The following GRIA1 variants were observed in gnomAD, a reference collection of about 807,000 sequenced individuals.
The protein encoded by GRIA1 is glutamate receptor 1.
A neutral mutation model predicts 99.2 loss-of-function variants in GRIA1; 31 were observed. That is an observed-to-expected ratio of 0.31 (90% CI 0.23 to 0.42). The LOEUF (loss-of-function observed/expected upper bound fraction) is 0.42. Among genes scored for constraint, GRIA1 ranks in the 10% least tolerant of loss-of-function variants. The pLI, the probability that GRIA1 is intolerant of heterozygous loss-of-function variation, is 1.00. For missense variants in GRIA1, 782 were observed against 1,157.5 expected (o/e 0.68, Z 4.71); for synonymous variants, 438 against 432.4 (o/e 1.01, Z -0.16).
intron 2 of GRIA1, among the ~76,000 whole-genome samples, chr5:153,528,719 T>G (rs1341183754): frequency 6.6e-6 from 1 of 152,252 alleles, no homozygotes; most frequent in Non-Finnish European, 1.5e-5. Flanking sequence ...AAACTGGTCT[T>G]CATCCAGTGT....
At chr5:153,507,334 T>C (rs1755623248) in intron 2 of GRIA1, among the ~76,000 whole-genome samples, 1 of 152,024 alleles carries the variant, frequency 6.6e-6, no homozygotes. Context: ...AGAATGAAGC[T>C]TTCTGGGGCT....
At chr5:153,496,273 G>T (rs1375104560) in intron 2 of GRIA1, among the ~76,000 whole-genome samples, 1 of 152,182 alleles carries the variant, frequency 6.6e-6, no homozygotes, top group Non-Finnish European at 1.5e-5. Context: ...GCCTGGAGTG[G>T]ATGAATCTGA....
chr5:153,679,148 T>G lies in GRIA1; in HGVS notation c.1029+1987T>G, dbSNP rs576742141. ...GTGTGTGCCTGCCCTTCATCAGCTG[T>G]TCTTTGAGGATCTATGGTGTGCCCT... is the stretch of plus-strand genomic sequence containing the variant. On this transcript the variant is annotated intron_variant, in intron 7 of 15. Coordinates refer to ENST00000285900, the MANE Select transcript of GRIA1 (RefSeq NM_000827.4). Among the ~76,000 whole-genome samples the G allele has an allele frequency of 2.6e-4, 39 of 152,268 alleles. 1 individual carries two copies. The South Asian group carries it at 8.1e-3, about 32-fold the overall frequency.
intron 2 of GRIA1, among the ~76,000 whole-genome samples, chr5:153,571,152 A>G (rs568334939): frequency 2.0e-5 from 3 of 152,194 alleles, no homozygotes; most frequent in Non-Finnish European, 4.4e-5. Context: ...GCCTCTATCC[A>G]TTATAAGATG....
At chr5:153,610,146 G>C (rs1266073516) in intron 2 of GRIA1, among the ~76,000 whole-genome samples, 1 of 152,148 alleles carries the variant, frequency 6.6e-6, no homozygotes, top group Non-Finnish European at 1.5e-5. Context: ...CCTCAGTTGT[G>C]ATGTGAGACC....
At chr5:153,764,722 C>A (rs1763398716) in intron 12 of GRIA1, 90 bp downstream of exon 12, 4 of 925,200 alleles carry the variant, frequency 4.3e-6, no homozygotes, top group Non-Finnish European at 6.8e-6. Flanking sequence ...CCTGAGATAA[C>A]AGGCAGCCAG....
intron 5 of GRIA1, among the ~76,000 whole-genome samples, chr5:153,665,011 C>A (rs1041954083): frequency 1.3e-5 from 2 of 152,236 alleles, no homozygotes; most frequent in African/African-American, 4.8e-5. Flanking sequence ...TAAGGGCCCA[C>A]CTCATACCAG....
At chr5:153,517,812 A>G (rs1756767987) in intron 2 of GRIA1, among the ~76,000 whole-genome samples, 1 of 152,188 alleles carries the variant, frequency 6.6e-6, no homozygotes, top group Non-Finnish European at 1.5e-5. Flanking sequence ...CTTCCAGACA[A>G]TGTTCCACCT....
At chr5:153,690,281 T>C (rs1757651351) in intron 8 of GRIA1, among the ~76,000 whole-genome samples, 1 of 150,622 alleles carries the variant, frequency 6.6e-6, no homozygotes, top group African/African-American at 2.4e-5. Context: ...TATAATATAA[T>C]TTATAATATA....
chr5:153,567,446 G>A (rs1174919814), intron 2 of GRIA1, among the ~76,000 whole-genome samples: 1 of 152,210 alleles, frequency 6.6e-6, no homozygotes, highest in African/African-American at 2.4e-5. Context: ...ATAATTCTTT[G>A]TTGTGTTGTA....
chr5:153,539,271 G>A (rs1321073358), intron 2 of GRIA1, among the ~76,000 whole-genome samples: 1 of 152,142 alleles, frequency 6.6e-6, no homozygotes, highest in Non-Finnish European at 1.5e-5. Flanking sequence ...TTAAAACAAA[G>A]CATTGTTATT....
chr5:153,681,681 T>G (rs1018564352), intron 7 of GRIA1, among the ~76,000 whole-genome samples: 1 of 152,160 alleles, frequency 6.6e-6, no homozygotes, highest in African/African-American at 2.4e-5. Flanking sequence ...TAAACAGACA[T>G]AATCCTCCTA....
At chr5:153,520,290 G>A (rs748413500) in intron 2 of GRIA1, among the ~76,000 whole-genome samples, 6 of 152,178 alleles carry the variant, frequency 3.9e-5, no homozygotes, top group Non-Finnish European at 7.3e-5. Context: ...AGGGCACAGA[G>A]GTGAATGTGC....
chr5:153,564,947 A>G (rs10038377), intron 2 of GRIA1, among the ~76,000 whole-genome samples: 19,154 of 152,180 alleles, frequency 0.13, 1,272 homozygotes, highest in Middle Eastern at 0.14. Flanking sequence ...AGTACTGCCA[A>G]ATTAACATTA....
chr5:153,770,309 A>G lies in GRIA1; in HGVS notation c.2164A>G (p.Met722Val), dbSNP rs770968731. The G allele has an allele frequency of 6.2e-7, 1 of 1,614,086 alleles. No homozygotes were observed. Among genetic ancestry groups the G allele is most frequent in the East Asian group, 2.2e-5 (1 of 44,864 alleles). ...GKYAYLLESTMNEYIEQRKPC... is the reference protein window; with the variant it reads ...GKYAYLLESTVNEYIEQRKPC... ...ATATGCCTACCTCCTGGAGTCCACC[A>G]TGAATGAGTACATTGAGCAGCGGAA... Residue 722 changes from methionine (M) to valine (V), a missense_variant, in exon 13 of 16, where the codon ATG (methionine) becomes GTG (valine). Coordinates refer to ENST00000285900, the MANE Select transcript of GRIA1 (RefSeq NM_000827.4).
At chr5:153,769,455 C>T (rs1398790670) in intron 12 of GRIA1, among the ~76,000 whole-genome samples, 2 of 151,988 alleles carry the variant, frequency 1.3e-5, no homozygotes, top group African/African-American at 4.8e-5. Flanking sequence ...TTTGGTTAGA[C>T]AGAACCAGCA....
chr5:153,650,614 G>A (rs1754494041), intron 4 of GRIA1, 100 bp downstream of exon 4: 1 of 1,121,580 alleles, frequency 8.9e-7, no homozygotes, highest in Non-Finnish European at 1.3e-6. Context: ...TTATAAAGAG[G>A]GTTCTTGACT....
At chr5:153,632,254 C>T (rs759507084) in intron 2 of GRIA1, among the ~76,000 whole-genome samples, 30 of 152,162 alleles carry the variant, frequency 2.0e-4, no homozygotes, top group Admixed American at 7.9e-4. Context: ...TGAGCAGTGG[C>T]AGAGCCCTAG....
intron 2 of GRIA1, among the ~76,000 whole-genome samples, chr5:153,505,250 T>C (rs1227575487): frequency 6.6e-6 from 1 of 152,182 alleles, no homozygotes; most frequent in African/African-American, 2.4e-5. Context: ...TCAACTGATT[T>C]GGGGGAAGGT....
Sources: allele counts gnomAD v4.1 joint callset (sites outside exome capture counted in the v4.1 genomes callset), GRCh38; gene constraint gnomAD v4.1.1; transcripts MANE v1.5; gene names NCBI Gene and HGNC (gene_info 2026-07-23, HGNC 2026-07-21).